Variants in SGPP2 observed in about 807,000 individuals in gnomAD.
SGPP2 encodes sphingosine 1-phosphate phosphohydrolase 2.
Under a neutral mutation model 33.9 loss-of-function variants are expected in SGPP2, and 30 were observed. The ratio of observed to expected loss-of-function variants is 0.89; its 90% CI spans 0.66 to 1.20. The LOEUF is 1.20. SGPP2 is among the 50% of genes most tolerant of loss of function. The pLI is 0.00. For synonymous variants in SGPP2, 233 were observed against 225.0 expected, an observed-to-expected ratio of 1.04 and a Z score of -0.32; for missense variants, 458 against 532.1, an observed-to-expected ratio of 0.86 and a Z score of 1.37.
chr2:222,554,350 G>C (rs1418444866), intron 4 of SGPP2, among the ~76,000 whole-genome samples: 1 of 152,208 alleles, frequency 6.6e-6, no homozygotes, highest in Non-Finnish European at 1.5e-5. Context: ...ATTCCACTGC[G>C]TGGCTATATC....
intron 3 of SGPP2, among the ~76,000 whole-genome samples, chr2:222,522,737 G>A (rs974647935): frequency 5.3e-5 from 8 of 152,152 alleles, no homozygotes; most frequent in African/African-American, 1.9e-4. Flanking sequence ...GGAGTGCAGT[G>A]GCGCCATCAC....
At chr2:222,425,580 G>A (rs1203214794) in intron 1 of SGPP2, among the ~76,000 whole-genome samples, 2 of 152,216 alleles carry the variant, frequency 1.3e-5, no homozygotes, top group South Asian at 2.1e-4. Flanking sequence ...GCAGTGCACA[G>A]GGACTTTAGG....
chr2:222,484,314 G>A (rs539805155), intron 2 of SGPP2, among the ~76,000 whole-genome samples: 51 of 152,244 alleles, frequency 3.3e-4, no homozygotes, highest in African/African-American at 1.2e-3. Context: ...AATGCTGTTG[G>A]TGGAGTAGAA....
At chr2:222,509,685 G>A (rs1574868734) in intron 2 of SGPP2, among the ~76,000 whole-genome samples, 1 of 151,954 alleles carries the variant, frequency 6.6e-6, no homozygotes. Context: ...TTTGGAACAA[G>A]AGACTTCAAG....
intron 2 of SGPP2, among the ~76,000 whole-genome samples, chr2:222,496,941 A>T (rs939062036): frequency 6.6e-6 from 1 of 152,236 alleles, no homozygotes; most frequent in African/African-American, 2.4e-5. Context: ...GATTTAAGAG[A>T]TGTCCCCTAC....
chr2:222,529,480 A>T (rs1188544325), intron 4 of SGPP2, among the ~76,000 whole-genome samples: 1 of 152,140 alleles, frequency 6.6e-6, no homozygotes, highest in Non-Finnish European at 1.5e-5. Flanking sequence ...GACTACAGGC[A>T]TGCGCTGCCA....
chr2:222,459,336 A>C (rs1559149553), intron 1 of SGPP2, among the ~76,000 whole-genome samples: 1 of 151,576 alleles, frequency 6.6e-6, no homozygotes, highest in Non-Finnish European at 1.5e-5. Context: ...TTGTAGGGAC[A>C]ACAGGGTTTT....
intron 1 of SGPP2, among the ~76,000 whole-genome samples, chr2:222,434,800 G>C (rs571521591): frequency 6.6e-6 from 1 of 152,010 alleles, no homozygotes; most frequent in East Asian, 1.9e-4. Context: ...AGCTAAAAAA[G>C]ACCAGGCCTT....
rs553700939 is a variant in SGPP2, at chr2:222,465,263, C to T, written c.220-9305C>T. 2.0e-5 allele frequency among the ~76,000 whole-genome samples: 3 copies of T among 152,308 alleles called. No homozygotes were observed. The highest frequency in any genetic ancestry group is 2.0e-4 in the Admixed American group (3 of 15,296). On this transcript the variant is annotated intron_variant, in intron 1 of 4. Transcript: ENST00000321276. The surrounding 1 kb of genome is among the most constrained non-coding windows in gnomAD (Gnocchi z 4.1). ...GCTGCTTAGACATTGGCTAGATCACCCAACTTGTAATTCTATCTGGACTTG... is the reference window on the plus strand; with the variant it reads ...GCTGCTTAGACATTGGCTAGATCACTCAACTTGTAATTCTATCTGGACTTG...
chr2:222,466,004 G>A (rs1697739359), intron 1 of SGPP2, among the ~76,000 whole-genome samples: 2 of 152,106 alleles, frequency 1.3e-5, no homozygotes. Flanking sequence ...AAATGAAGTA[G>A]TCTTGCTAGC....
At chr2:222,448,298 T>A (rs1697426517) in intron 1 of SGPP2, among the ~76,000 whole-genome samples, 1 of 152,176 alleles carries the variant, frequency 6.6e-6, no homozygotes, top group Non-Finnish European at 1.5e-5. Flanking sequence ...TGGTCTCTGC[T>A]GGCCAAGTGT....
At chr2:222,488,829 A>G (rs1022592586) in intron 2 of SGPP2, among the ~76,000 whole-genome samples, 1 of 152,228 alleles carries the variant, frequency 6.6e-6, no homozygotes, top group Non-Finnish European at 1.5e-5. Context: ...GATTTAATAG[A>G]AACAGATGTT....
At chr2:222,428,825 C>CCTGTCAT (rs1697110961) in intron 1 of SGPP2, among the ~76,000 whole-genome samples, 1 of 133,534 alleles carries the variant, frequency 7.5e-6, no homozygotes, top group African/African-American at 2.8e-5. Flanking sequence ...AGAGTCTCAC[C>CCTGTCAT]CTGTCATCCA....
At chr2:222,435,597 A>G (rs949205927) in intron 1 of SGPP2, among the ~76,000 whole-genome samples, 3 of 152,240 alleles carry the variant, frequency 2.0e-5, no homozygotes, top group African/African-American at 7.2e-5. Context: ...TCCTTCATAC[A>G]ACAGGAAATT....
chr2:222,467,222 A>T (rs1183290777), intron 1 of SGPP2, among the ~76,000 whole-genome samples: 4 of 152,128 alleles, frequency 2.6e-5, no homozygotes, highest in African/African-American at 9.7e-5. Flanking sequence ...GGTCAACTAC[A>T]TCAAAATCTG....
chr2:222,520,469 G>A lies in SGPP2; in HGVS notation c.379-1298G>A, dbSNP rs534215095. Among the ~76,000 whole-genome samples the A allele has an allele frequency of 4.6e-5, 7 of 152,196 alleles. No individual in the cohort carries two copies. The South Asian group carries it at 6.2e-4, about 14-fold the overall frequency. On this transcript the variant is annotated intron_variant, in intron 2 of 4. Coordinates refer to ENST00000321276, the MANE Select transcript of SGPP2 (RefSeq NM_152386.4). ...TATTAGGCCAGGCATGGCAGCTCAC[G>A]TCTGTAATCCCAGCACTTTGGGAGG... is the stretch of plus-strand genomic sequence containing the variant.
intron 2 of SGPP2, among the ~76,000 whole-genome samples, chr2:222,483,504 A>T (rs562252015): frequency 2.0e-5 from 3 of 152,194 alleles, no homozygotes; most frequent in Non-Finnish European, 4.4e-5. Flanking sequence ...TACAGTAAAA[A>T]CTACACTGAA....
At chr2:222,459,142 C>CTTTCTTTTTTTTTTTTTTTTT (rs1414316448) in intron 1 of SGPP2, among the ~76,000 whole-genome samples, 4 of 94,462 alleles carry the variant, frequency 4.2e-5, no homozygotes, top group Non-Finnish European at 6.4e-5. Context: ...TTCTTTCTTT[C>CTTTCTTTTTTTTTTTTTTTTT]TTTTTTTTTT....
At chr2:222,493,625 T>G (rs1211006604) in intron 2 of SGPP2, among the ~76,000 whole-genome samples, 1 of 152,216 alleles carries the variant, frequency 6.6e-6, no homozygotes, top group Non-Finnish European at 1.5e-5. Context: ...CATGAGCCAC[T>G]GCACTCAGCC....
Sources: gnomAD v4.1 joint callset for allele counts (sites outside exome capture counted in the v4.1 genomes callset) on GRCh38, gnomAD v4.1.1 for gene constraint, Gnocchi (gnomAD v3.1) non-coding constraint, MANE v1.5 for transcripts, NCBI Gene and HGNC (gene_info 2026-07-23, HGNC 2026-07-21) for gene names.